Variants in FGF10 observed in about 807,000 individuals in gnomAD.
FGF10 encodes fibroblast growth factor 10, also known as FGF-10.
In FGF10, 2 loss-of-function variants were observed where a neutral mutation model predicts 19.8. That is an observed-to-expected ratio of 0.10 (90% CI 0.04 to 0.32). The LOEUF (loss-of-function observed/expected upper bound fraction) is 0.32. Among genes scored for constraint, FGF10 ranks in the 10% least tolerant of loss-of-function variants. The pLI, the probability that FGF10 is intolerant of heterozygous loss-of-function variation, is 1.00. For synonymous variants in FGF10, 112 were observed against 94.0 expected (o/e 1.19, Z -1.10); for missense variants, 191 against 246.3 (o/e 0.78, Z 1.50).
intron 1 of FGF10, among the ~76,000 whole-genome samples, chr5:44,384,560 T>C (rs1404078022): frequency 6.6e-6 from 1 of 152,110 alleles, no homozygotes; most frequent in East Asian, 1.9e-4. Context: ...TTGATATTAA[T>C]GTTGGAAGTA....
At chr5:44,344,513 AG>A (rs146238924) in intron 1 of FGF10, among the ~76,000 whole-genome samples, 3,237 of 148,990 alleles carry the variant, frequency 0.022, 94 homozygotes, top group African/African-American at 0.059. Context: ...TTGGGGCAAA[AG>A]TTAACCTTTT....
intron 1 of FGF10, among the ~76,000 whole-genome samples, chr5:44,349,449 T>TATCAGA (rs1554038135): frequency 6.8e-3 from 108 of 15,786 alleles, no homozygotes; most frequent in Non-Finnish European, 0.013. Context: ...TATATATATA[T>TATCAGA]ATATATATAT....
At chr5:44,316,581 G>A (rs1397519397) in intron 1 of FGF10, among the ~76,000 whole-genome samples, 2 of 152,144 alleles carry the variant, frequency 1.3e-5, no homozygotes, top group African/African-American at 4.8e-5. Flanking sequence ...TATACAATAT[G>A]ATTCAGAGAC....
intron 2 of FGF10, among the ~76,000 whole-genome samples, chr5:44,305,936 C>A (rs1489441091): frequency 6.6e-6 from 1 of 152,112 alleles, no homozygotes; most frequent in African/African-American, 2.4e-5. Flanking sequence ...GGACTTGGAT[C>A]CTGGGAAGTT....
At position 44,304,742 on chromosome 5, in the gene FGF10, T is replaced by C; in HGVS notation, c.*253A>G. ...AACAACAAAAAACCCAGCCACAATG[T>C]TTTTCACTTGGGAATAACTTCTATC... On this transcript the variant is annotated 3_prime_UTR_variant, in exon 3 of 3. Transcript: ENST00000264664. The C allele has an allele frequency of 2.2e-6, 1 of 445,610 alleles. No individual in the cohort carries two copies. The highest frequency in any genetic ancestry group is 2.8e-5 in the South Asian group (1 of 35,710). The allele number at this position is 445,610 out of a possible 1,614,324, so 27.6% of individuals were successfully genotyped here.
intron 1 of FGF10, among the ~76,000 whole-genome samples, chr5:44,328,802 A>G (rs997580551): frequency 6.6e-6 from 1 of 152,196 alleles, no homozygotes; most frequent in African/African-American, 2.4e-5. Context: ...AGTCAGACAC[A>G]AAAAGACAAA....
chr5:44,306,896 T>A (rs1740088029), intron 2 of FGF10, among the ~76,000 whole-genome samples: 1 of 152,204 alleles, frequency 6.6e-6, no homozygotes, highest in Non-Finnish European at 1.5e-5. Context: ...GAAAGGAATA[T>A]AAATCCTTAG....
intron 1 of FGF10, among the ~76,000 whole-genome samples, chr5:44,369,776 AC>A (rs1741704110): frequency 6.6e-6 from 1 of 152,010 alleles, no homozygotes; most frequent in Non-Finnish European, 1.5e-5. Flanking sequence ...TTTAAAAATT[AC>A]CCCCTTTTTA....
At chr5:44,353,256 G>A (rs577685811) in intron 1 of FGF10, among the ~76,000 whole-genome samples, 43 of 151,660 alleles carry the variant, frequency 2.8e-4, no homozygotes, top group African/African-American at 8.0e-4. Flanking sequence ...TTTGTTTATC[G>A]TCTAAATGAC....
intron 1 of FGF10, among the ~76,000 whole-genome samples, chr5:44,326,993 C>A (rs539015317): frequency 6.6e-6 from 1 of 152,210 alleles, no homozygotes; most frequent in East Asian, 1.9e-4. Context: ...AATTGTGTCT[C>A]AACTCTGCCC....
chr5:44,336,001 A>G lies in FGF10; in HGVS notation c.326-25471T>C, dbSNP rs141396914. Among the ~76,000 whole-genome samples, 298 of 152,236 alleles carry G rather than the reference A, an allele frequency of 2.0e-3. 1 individual carries two copies. The highest frequency in any genetic ancestry group is 3.5e-3 in the Non-Finnish European group (238 of 67,958). ...GGGAAGAAAACTGAAATAAGATAAC[A>G]TAAAATATGTACCATTTGAATCACA... On this transcript the variant is annotated intron_variant, in intron 1 of 2. Transcript: ENST00000264664.
At chr5:44,333,019 G>A (rs1740772279) in intron 1 of FGF10, among the ~76,000 whole-genome samples, 1 of 151,944 alleles carries the variant, frequency 6.6e-6, no homozygotes, top group African/African-American at 2.4e-5. Context: ...GGCTTAATAG[G>A]ACAGTATATG....
At chr5:44,364,316 A>T (rs1741556161) in intron 1 of FGF10, among the ~76,000 whole-genome samples, 1 of 151,878 alleles carries the variant, frequency 6.6e-6, no homozygotes, top group Non-Finnish European at 1.5e-5. Flanking sequence ...AATCTTATGT[A>T]TATTAACAGG....
chr5:44,333,907 C>T (rs1250912728), intron 1 of FGF10, among the ~76,000 whole-genome samples: 1 of 151,982 alleles, frequency 6.6e-6, no homozygotes, highest in Non-Finnish European at 1.5e-5. Flanking sequence ...GAAAGCAGAA[C>T]CTGAGACTTG....
At chr5:44,324,998 C>T (rs1180299263) in intron 1 of FGF10, among the ~76,000 whole-genome samples, 1 of 152,056 alleles carries the variant, frequency 6.6e-6, no homozygotes, top group Non-Finnish European at 1.5e-5. Context: ...AAAGTAAACC[C>T]TGTTTATTTG....
intron 2 of FGF10, among the ~76,000 whole-genome samples, chr5:44,307,862 A>G (rs1305057673): frequency 6.6e-6 from 1 of 152,214 alleles, no homozygotes; most frequent in Non-Finnish European, 1.5e-5. Flanking sequence ...AAAGTTACAC[A>G]AAAAAGAATG....
chr5:44,349,491 A>AATATATATATATATCAGT (rs200499069), intron 1 of FGF10, among the ~76,000 whole-genome samples: 1 of 36,794 alleles, frequency 2.7e-5, no homozygotes, highest in Non-Finnish European at 5.7e-5. Context: ...TATATATCAG[A>AATATATATATATATCAGT]ATATATATAT....
At chr5:44,382,143 A>T (rs1741998019) in intron 1 of FGF10, among the ~76,000 whole-genome samples, 1 of 152,216 alleles carries the variant, frequency 6.6e-6, no homozygotes, top group Admixed American at 6.5e-5. Flanking sequence ...TCTATCAGAT[A>T]GTAATTGGAT....
intron 1 of FGF10, among the ~76,000 whole-genome samples, chr5:44,365,677 A>C (rs1211398821): frequency 6.6e-6 from 1 of 151,990 alleles, no homozygotes. Flanking sequence ...TTGCCACTGA[A>C]GTCCTTGATT....
Sources: allele counts gnomAD v4.1 joint callset (sites outside exome capture counted in the v4.1 genomes callset), GRCh38; gene constraint gnomAD v4.1.1; transcripts MANE v1.5; gene names NCBI Gene and HGNC (gene_info 2026-07-23, HGNC 2026-07-21).